ADCY8: variants seen among roughly 807,000 people sequenced by gnomAD.
ADCY8 encodes the protein adenylate cyclase 8.
In ADCY8, 51 loss-of-function variants were observed where a neutral mutation model predicts 119.7. The observed-to-expected ratio is 0.43, with a 90% CI of 0.34 to 0.54. The LOEUF (loss-of-function observed/expected upper bound fraction) is 0.54. Ranked by LOEUF, ADCY8 falls within the 20% of genes least tolerant of loss-of-function variation. The pLI, the probability that ADCY8 is intolerant of heterozygous loss-of-function variation, is 0.03. For synonymous variants in ADCY8, 665 were observed against 651.0 expected (o/e 1.02, Z -0.33); for missense variants, 1,383 against 1,598.8 (o/e 0.87, Z 2.30).
chr8:130,887,580 C>T (rs1043717021), intron 7 of ADCY8, among the ~76,000 whole-genome samples: 2 of 152,092 alleles, frequency 1.3e-5, no homozygotes, highest in African/African-American at 4.8e-5. Context: ...TGCTGTTTGG[C>T]CAGCAACCTC....
chr8:130,846,009 T>G (rs1817284466), intron 11 of ADCY8, among the ~76,000 whole-genome samples: 1 of 152,054 alleles, frequency 6.6e-6, no homozygotes, highest in Non-Finnish European at 1.5e-5. Context: ...ATCTGAAGGA[T>G]TTGATGATGT....
intron 8 of ADCY8, among the ~76,000 whole-genome samples, chr8:130,873,947 T>G (rs1227976744): frequency 6.6e-6 from 1 of 152,158 alleles, no homozygotes; most frequent in Admixed American, 6.5e-5. Flanking sequence ...ATGAAGAAAT[T>G]TAACCACTGT....
chr8:130,909,935 C>CTT, intron 5 of ADCY8, 69 bp from the exon 6 acceptor site: 3 of 1,161,382 alleles, frequency 2.6e-6, no homozygotes, highest in Non-Finnish European at 1.2e-6. Flanking sequence ...TCTGCACTTT[C>CTT]TTTTCTTTTT....
chr8:130,926,658 C>T (rs1288659222), intron 5 of ADCY8, among the ~76,000 whole-genome samples: 1 of 152,022 alleles, frequency 6.6e-6, no homozygotes, highest in Non-Finnish European at 1.5e-5. Flanking sequence ...ACTATAGTCA[C>T]CAAGATGTAT....
Position 130,836,264 on chromosome 8 carries a change from G to A in ADCY8, c.2675+13C>T, listed in dbSNP as rs1816983079. 1.2e-6 allele frequency: 2 copies of A among 1,605,054 alleles called. No homozygotes were observed. The highest frequency in any genetic ancestry group is 1.3e-5 in the African/African-American group (1 of 74,730). ...GTTGAGCACACTTTGGACTCACGGT[G>A]GTGGGCACTTACTCTCCACTGTGGT... On this transcript the variant is annotated intron_variant, in intron 12 of 17. Transcript: ENST00000286355.
At chr8:131,017,147 G>A (rs1823501561) in intron 1 of ADCY8, among the ~76,000 whole-genome samples, 1 of 150,888 alleles carries the variant, frequency 6.6e-6, no homozygotes, top group African/African-American at 2.4e-5. Flanking sequence ...TCGGTTCACT[G>A]CAACCTTTGC....
rs150431928 is a variant in ADCY8 at position 130,927,722 on chromosome 8, C to T, written c.1481+9351G>A. On this transcript the variant is annotated intron_variant, in intron 5 of 17. Transcript: ENST00000286355. ...TTTGGTGGAGTCTTTAGGGTTTTCTCTATATAAAATCATGTCATCTGCAAA... is the reference window on the plus strand; with the variant it reads ...TTTGGTGGAGTCTTTAGGGTTTTCTTTATATAAAATCATGTCATCTGCAAA... 6.4e-3 allele frequency among the ~76,000 whole-genome samples: 970 copies of T among 151,660 alleles called. 11 individuals carry two copies. Among genetic ancestry groups the T allele is most frequent in the African/African-American group, 0.02 (840 of 41,258 alleles).
chr8:130,971,290 C>A (rs906018647), intron 2 of ADCY8, among the ~76,000 whole-genome samples: 5 of 152,124 alleles, frequency 3.3e-5, no homozygotes, highest in Non-Finnish European at 7.4e-5. Context: ...GTATTATTCC[C>A]AGTTACAGAA....
chr8:130,848,807 G>C (rs1212137587), intron 10 of ADCY8, among the ~76,000 whole-genome samples: 2 of 152,142 alleles, frequency 1.3e-5, no homozygotes, highest in African/African-American at 2.4e-5. Flanking sequence ...AATACCTATA[G>C]CTACCATGGT....
At chr8:131,026,131 T>G (rs762940152) in intron 1 of ADCY8, among the ~76,000 whole-genome samples, 1 of 152,024 alleles carries the variant, frequency 6.6e-6, no homozygotes, top group South Asian at 2.1e-4. Context: ...AAAATACACA[T>G]GTTAAAATGC....
chr8:130,959,924 T>A (rs1285398348), intron 2 of ADCY8, among the ~76,000 whole-genome samples: 1 of 152,200 alleles, frequency 6.6e-6, no homozygotes, highest in African/African-American at 2.4e-5. Flanking sequence ...CAGAAGCAAC[T>A]AAAGTGTTTG....
At chr8:130,781,979 G>T (rs1165777791) in intron 17 of ADCY8, among the ~76,000 whole-genome samples, 2 of 152,176 alleles carry the variant, frequency 1.3e-5, no homozygotes, top group African/African-American at 4.8e-5. Context: ...TTCTACTGGG[G>T]AGAGATAGAA....
chr8:131,019,362 AAAG>A (rs1326937519), intron 1 of ADCY8, among the ~76,000 whole-genome samples: 2 of 152,214 alleles, frequency 1.3e-5, no homozygotes, highest in Non-Finnish European at 2.9e-5. Flanking sequence ...TCAGCTATTA[AAAG>A]AAGAACATCA....
Position 130,990,385 on chromosome 8 carries a change from G to T in ADCY8, c.1110+8C>A. 6.2e-7 allele frequency: 1 copy of T among 1,613,936 alleles called. No individual in the cohort carries two copies. The highest frequency in any genetic ancestry group is 8.5e-7 in the Non-Finnish European group (1 of 1,179,908). The stretch of plus-strand genomic sequence containing the variant: ...ATAACTAAAACACACAGCCTTGTCA[G>T]TTGGTACCTGTCTTTGGTTCTCTGT... On this transcript the variant is annotated splice_region_variant and intron_variant, in intron 2 of 17. Transcript: ENST00000286355.
chr8:130,959,022 T>C (rs1248207228), intron 2 of ADCY8, among the ~76,000 whole-genome samples: 1 of 152,200 alleles, frequency 6.6e-6, no homozygotes, highest in Non-Finnish European at 1.5e-5. Flanking sequence ...AGGATTTCTG[T>C]AATTACGAAC....
At chr8:130,941,235 C>T (rs1820946026) in intron 4 of ADCY8, among the ~76,000 whole-genome samples, 1 of 152,152 alleles carries the variant, frequency 6.6e-6, no homozygotes, top group Admixed American at 6.5e-5. Flanking sequence ...CACACAGCAC[C>T]CTGGAAGCCT....
intron 12 of ADCY8, among the ~76,000 whole-genome samples, chr8:130,826,041 G>A (rs191837403): frequency 4.6e-5 from 7 of 152,278 alleles, no homozygotes; most frequent in African/African-American, 7.2e-5. Context: ...GAATATTCTC[G>A]TATAAACATG....
intron 2 of ADCY8, among the ~76,000 whole-genome samples, chr8:130,982,656 T>C (rs1822274156): frequency 1.3e-5 from 2 of 151,978 alleles, no homozygotes; most frequent in South Asian, 2.1e-4. Flanking sequence ...TACTGTCCAA[T>C]AGAAATACAA....
chr8:130,897,286 G>A (rs1819426715), intron 7 of ADCY8, among the ~76,000 whole-genome samples: 1 of 151,988 alleles, frequency 6.6e-6, no homozygotes, highest in African/African-American at 2.4e-5. Flanking sequence ...TAAATACAGA[G>A]AACAAGATCT....
Sources: allele counts gnomAD v4.1 joint callset (sites outside exome capture counted in the v4.1 genomes callset), GRCh38; gene constraint gnomAD v4.1.1; transcripts MANE v1.5; gene names NCBI Gene and HGNC (gene_info 2026-07-23, HGNC 2026-07-21).